Variants in FAAH2 observed in about 807,000 individuals in gnomAD.
The protein encoded by FAAH2 is fatty acid amide hydrolase 2.
Under a neutral mutation model 36.9 loss-of-function variants are expected in FAAH2, and 60 were observed. That is an observed-to-expected ratio of 1.63 (90% CI 1.32 to 2.02). The LOEUF (loss-of-function observed/expected upper bound fraction) is 2.02. Ranked by LOEUF, FAAH2 falls within the 30% of genes most tolerant of loss-of-function variation. FAAH2 has a pLI of 0.00. For missense variants in FAAH2, 689 were observed against 397.5 expected (o/e 1.73, Z -6.23); for synonymous variants, 214 against 143.8 (o/e 1.49, Z -3.49).
At chrX:57,203,094 G>T in the FAAH2 span, among the ~76,000 whole-genome samples, 1 of 112,183 alleles carries the variant, frequency 8.9e-6, no homozygotes, top group African/African-American at 3.2e-5. Flanking sequence ...CAGAAATATA[G>T]GGTGTGGGGT....
At chrX:57,156,692 C>T in the FAAH2 span, among the ~76,000 whole-genome samples, 1 of 111,831 alleles carries the variant, frequency 8.9e-6, no homozygotes, top group African/African-American at 3.2e-5. Context: ...AGAGAATTCC[C>T]TGGTTTTCCA....
chrX:57,239,135 T>A, the FAAH2 span, among the ~76,000 whole-genome samples: 1 of 111,842 alleles, frequency 8.9e-6, no homozygotes, highest in Non-Finnish European at 1.9e-5. Flanking sequence ...TAGTGCTCTA[T>A]TTTTTGGAAT....
the FAAH2 span, among the ~76,000 whole-genome samples, chrX:57,168,331 G>T: frequency 2.5e-4 from 28 of 110,026 alleles, no homozygotes; most frequent in Non-Finnish European, 4.6e-4. Context: ...CACTACTGGA[G>T]CATCATTTGT....
At chrX:57,421,874 G>T (rs371549631) in intron 7 of FAAH2, among the ~76,000 whole-genome samples, 1 of 111,673 alleles carries the variant, frequency 9.0e-6, no homozygotes, top group African/African-American at 3.3e-5. Flanking sequence ...TAGAGTAGTT[G>T]CTACTTCTTA....
At chrX:57,258,730 A>G in the FAAH2 span, among the ~76,000 whole-genome samples, 1 of 99,118 alleles carries the variant, frequency 1.0e-5, no homozygotes, top group Non-Finnish European at 2.0e-5. Context: ...TTTTTTTGAG[A>G]CAGAGTCTTG....
chrX:57,177,094 A>T, the FAAH2 span, among the ~76,000 whole-genome samples: 4 of 111,281 alleles, frequency 3.6e-5, no homozygotes, highest in African/African-American at 1.3e-4. Context: ...ACAAGGAAAA[A>T]CTGGCTGTGA....
intron 8 of FAAH2, among the ~76,000 whole-genome samples, chrX:57,441,832 G>A (rs1042544487): frequency 4.5e-5 from 5 of 111,478 alleles, no homozygotes; most frequent in Non-Finnish European, 7.5e-5. Context: ...TGGTTTTGAA[G>A]AACATCTTTA....
At chrX:57,317,167 T>C (rs943738957) in intron 3 of FAAH2, among the ~76,000 whole-genome samples, 1 of 111,731 alleles carries the variant, frequency 9.0e-6, no homozygotes, top group Non-Finnish European at 1.9e-5. Flanking sequence ...CAAATAACAA[T>C]ATTAGCCTTA....
chrX:57,305,885 C>T (rs1048418686), intron 2 of FAAH2, among the ~76,000 whole-genome samples: 18 of 111,733 alleles, frequency 1.6e-4, no homozygotes, highest in Admixed American at 6.7e-4. Context: ...CTCTTTTCCT[C>T]AGACTGGTTG....
upstream of FAAH2, among the ~76,000 whole-genome samples, chrX:57,286,390 T>C (rs1017185639): frequency 8.9e-6 from 1 of 112,288 alleles, no homozygotes; most frequent in African/African-American, 3.2e-5. Context: ...CTATTTACCA[T>C]AAATTGTGCT....
intron 8 of FAAH2, among the ~76,000 whole-genome samples, chrX:57,437,512 G>C (rs2056433920): frequency 9.1e-6 from 1 of 109,389 alleles, no homozygotes; most frequent in Non-Finnish European, 1.9e-5. Flanking sequence ...CCCTAGAATT[G>C]ATAAAAGAAT....
the FAAH2 span, chrX:57,134,733 A>T: frequency 9.0e-6 from 1 of 111,708 alleles, no homozygotes; most frequent in African/African-American, 3.3e-5. Context: ...CTCTACCAAG[A>T]TTGCTTATCT....
At chrX:57,290,522 T>C (rs919536857) in intron 1 of FAAH2, among the ~76,000 whole-genome samples, 1 of 111,841 alleles carries the variant, frequency 8.9e-6, no homozygotes, top group Non-Finnish European at 1.9e-5. Flanking sequence ...CCTGTATCTA[T>C]GGTTGTACCT....
At chrX:57,440,900 A>T (rs184516859) in intron 8 of FAAH2, among the ~76,000 whole-genome samples, 421 of 111,636 alleles carry the variant, frequency 3.8e-3, no homozygotes, top group African/African-American at 0.013. Context: ...ATGATGAATT[A>T]CGTTTATTGA....
At chrX:57,155,506 A>C in the FAAH2 span, among the ~76,000 whole-genome samples, 90 of 112,204 alleles carry the variant, frequency 8.0e-4, no homozygotes, top group African/African-American at 2.7e-3. Flanking sequence ...TCTCACTCCC[A>C]CCATGCCCCA....
chrX:57,435,585 T>C (rs1338499680), intron 8 of FAAH2, among the ~76,000 whole-genome samples: 1 of 109,766 alleles, frequency 9.1e-6, no homozygotes, highest in Non-Finnish European at 1.9e-5. Flanking sequence ...ATTAAAAAGT[T>C]AAAAAAGACA....
chrX:57,368,908 A>T (rs1249627580), intron 5 of FAAH2, among the ~76,000 whole-genome samples: 5 of 110,520 alleles, frequency 4.5e-5, no homozygotes, highest in Admixed American at 2.9e-4. Context: ...TTAAAAAGTA[A>T]TTCAAAATAA....
intron 5 of FAAH2, among the ~76,000 whole-genome samples, chrX:57,375,632 CTTG>C (rs1363054838): frequency 2.7e-5 from 3 of 110,508 alleles, no homozygotes; most frequent in East Asian, 2.8e-4. Flanking sequence ...AATCTTGCAA[CTTG>C]TTGTAATATC....
chrX:57,380,863 G>A (rs752422996), intron 6 of FAAH2, 49 bp from the exon 7 acceptor site: 2 of 795,434 alleles, frequency 2.5e-6, no homozygotes, highest in African/African-American at 2.1e-5. Context: ...GAACTATTAA[G>A]GATATCTAAA....
Sources: allele counts gnomAD v4.1 joint callset (sites outside exome capture counted in the v4.1 genomes callset), GRCh38; gene constraint gnomAD v4.1.1; transcripts MANE v1.5; gene names NCBI Gene and HGNC (gene_info 2026-07-23, HGNC 2026-07-21).